The following DNAH3 variants were observed in gnomAD, a reference collection of about 807,000 sequenced individuals.
The protein encoded by DNAH3 is axonemal beta dynein heavy chain 3.
Under a neutral mutation model 432.5 loss-of-function variants are expected in DNAH3, and 332 were observed. That is an observed-to-expected ratio of 0.77 (90% CI 0.70 to 0.84). The LOEUF (loss-of-function observed/expected upper bound fraction) is 0.84, where lower values mean the gene tolerates loss of function less well. Ranked by LOEUF, DNAH3 falls within the 40% of genes least tolerant of loss-of-function variation. DNAH3 has a pLI of 0.00. For synonymous variants in DNAH3, 1,956 were observed against 1,900.2 expected (o/e 1.03, Z -0.76); for missense variants, 4,861 against 5,114.0 (o/e 0.95, Z 1.51).
chr16:21,003,674 C>G (rs1366491353), intron 41 of DNAH3, among the ~76,000 whole-genome samples: 2 of 152,054 alleles, frequency 1.3e-5, no homozygotes, highest in Non-Finnish European at 2.9e-5. Context: ...ACTTGGGAGG[C>G]TGAGGCAGGA....
At chr16:20,998,409 C>T (rs1297454965) in intron 43 of DNAH3, among the ~76,000 whole-genome samples, 3 of 151,958 alleles carry the variant, frequency 2.0e-5, no homozygotes, top group Non-Finnish European at 2.9e-5. Flanking sequence ...TGCACCACCA[C>T]GCCCAGCTAA....
chr16:20,945,381 T>C (rs2083998098), intron 57 of DNAH3, among the ~76,000 whole-genome samples: 1 of 152,182 alleles, frequency 6.6e-6, no homozygotes, highest in South Asian at 2.1e-4. Context: ...GGAAAACTCA[T>C]GAATAATCCA....
intron 39 of DNAH3, among the ~76,000 whole-genome samples, chr16:21,023,786 G>GTGTGTGTGTGTGTGT (rs1567654144): frequency 9.0e-4 from 132 of 146,476 alleles, no homozygotes; most frequent in African/African-American, 3.3e-3. Context: ...CAGCTTTTGG[G>GTGTGTGTGTGTGTGT]GTGTGTGTGT....
chr16:21,119,881 G>C (rs968465647), intron 11 of DNAH3, among the ~76,000 whole-genome samples: 2 of 150,288 alleles, frequency 1.3e-5, no homozygotes, highest in Non-Finnish European at 3.0e-5. Flanking sequence ...GTAGAGACGG[G>C]GTTTCACCAT....
At chr16:21,142,600 T>G (rs1373732741) in intron 3 of DNAH3, among the ~76,000 whole-genome samples, 2 of 152,060 alleles carry the variant, frequency 1.3e-5, no homozygotes, top group African/African-American at 4.8e-5. Flanking sequence ...CTTCCTAAAG[T>G]GTCTATCTTT....
chr16:21,038,891 G>A (rs1320001027), intron 33 of DNAH3, among the ~76,000 whole-genome samples: 1 of 152,178 alleles, frequency 6.6e-6, no homozygotes, highest in African/African-American at 2.4e-5. Flanking sequence ...GAGAATTTCT[G>A]TAGCCCCTTG....
At chr16:20,993,163 GC>G in intron 44 of DNAH3, among the ~76,000 whole-genome samples, 2 of 152,220 alleles carry the variant, frequency 1.3e-5, no homozygotes, top group Non-Finnish European at 2.9e-5. Context: ...ACTGCCCCCA[GC>G]CCTAACTTCC....
Position 21,020,341 on chromosome 16 carries a change from A to AGTGTGT in DNAH3, c.5777-478_5777-473dup, listed in dbSNP as rs1196037950. Reference sequence around the variant, plus strand: ...TATTTTTACTGCTGTATAATAATATAGTGTGTGTATATATATATATATATA... The same window carrying AGTGTGT: ...TATTTTTACTGCTGTATAATAATATAGTGTGTGTGTGTGTATATATATATATATATA... On this transcript the variant is annotated intron_variant, in intron 40 of 61. Transcript: ENST00000261383. Among the ~76,000 whole-genome samples the AGTGTGT allele has an allele frequency of 4.1e-3, 247 of 60,152 alleles. 12 individuals are homozygous for AGTGTGT. Among genetic ancestry groups the AGTGTGT allele is most frequent in the East Asian group, 0.023 (63 of 2,686 alleles). The allele number at this position is 60,152 out of a possible 152,430, so 39.5% of individuals were successfully genotyped here. A position where few individuals can be genotyped will look rare whatever the true frequency, so the allele number is the denominator to read the frequency against.
chr16:21,068,802 G>A (rs916888754), intron 23 of DNAH3, among the ~76,000 whole-genome samples: 88 of 152,210 alleles, frequency 5.8e-4, no homozygotes, highest in African/African-American at 2.1e-3. Flanking sequence ...GCATTATCCT[G>A]TAACAAATAC....
Position 21,120,755 on chromosome 16 carries a change from C to T in DNAH3, c.1684G>A (p.Ala562Thr), listed in dbSNP as rs2092319472. The T allele has an allele frequency of 1.9e-6, 3 of 1,613,694 alleles. No homozygotes were observed. In the South Asian group the frequency reaches 3.3e-5, roughly 18 times the overall value. The change falls in exon 11 of 62, where the codon GCC (alanine) becomes ACC (threonine). Residue 562 changes from alanine to threonine, a missense_variant. Ala to Thr is a moderately conservative substitution (Grantham distance 58). Coordinates refer to ENST00000261383, the Ensembl canonical transcript of DNAH3. The stretch of plus-strand genomic sequence containing the variant: ...GCCCTGGTACCTGCCATTGCAGTGG[C>T]AGCCGCGTGCATGCTGGGCTCTCCT...
rs111614206 is a variant in DNAH3, at chr16:21,133,679, G to A, written c.1082+580C>T. Reference sequence around the variant, plus strand: ...CGCTTGAACCCGGGAGGCGGAGGCTGCAGTGAGCCAAGATCGCGCCATTGC... The same window carrying A: ...CGCTTGAACCCGGGAGGCGGAGGCTACAGTGAGCCAAGATCGCGCCATTGC... On this transcript the variant is annotated intron_variant, in intron 7 of 61. Transcript: ENST00000261383. Among the ~76,000 whole-genome samples the A allele has an allele frequency of 4.8e-3, 727 of 152,232 alleles. 6 individuals carry two copies. Among genetic ancestry groups the A allele is most frequent in the African/African-American group, 0.016 (669 of 41,526 alleles).
chr16:20,977,082 T>C (rs1232008565), intron 50 of DNAH3, among the ~76,000 whole-genome samples: 2 of 151,890 alleles, frequency 1.3e-5, no homozygotes. Context: ...TTTAGACAAT[T>C]AAACCCATTA....
intron 14 of DNAH3, 119 bp downstream of exon 14, chr16:21,111,507 G>GA: frequency 9.5e-7 from 1 of 1,053,092 alleles, no homozygotes; most frequent in African/African-American, 1.6e-5. Context: ...CTTAGGGGCA[G>GA]AAAAAACTTG....
intron 54 of DNAH3, among the ~76,000 whole-genome samples, chr16:20,955,788 A>T (rs1292105492): frequency 6.6e-6 from 1 of 152,206 alleles, no homozygotes; most frequent in Admixed American, 6.5e-5. Context: ...AAGTGTATCT[A>T]TGCCCACAAA....
chr16:21,104,268 G>A, intron 16 of DNAH3: 1 of 546,560 alleles, frequency 1.8e-6, no homozygotes, highest in Non-Finnish European at 3.3e-6. Flanking sequence ...CATTAGCAGA[G>A]GTTATTACAG....
At chr16:20,937,207 G>T (rs909538647) in intron 59 of DNAH3, among the ~76,000 whole-genome samples, 1 of 151,968 alleles carries the variant, frequency 6.6e-6, no homozygotes, top group African/African-American at 2.4e-5. Context: ...TCAGGCTGGA[G>T]TAAGTAGTGA....
intron 56 of DNAH3, among the ~76,000 whole-genome samples, chr16:20,951,739 T>G (rs1447755670): frequency 1.1e-5 from 1 of 92,188 alleles, no homozygotes; most frequent in Non-Finnish European, 1.9e-5. Flanking sequence ...CTGGCCCGTA[T>G]TTTTTTTTTT....
At position 21,152,582 on chromosome 16, in the gene DNAH3, C is replaced by T. The variant is rs563740365; in HGVS notation, c.118-6494G>A. On this transcript the variant is annotated intron_variant, in intron 1 of 61. Transcript: ENST00000261383. ...GGCCGAAGCCGGCTCCCTCAGCTTG[C>T]AGGCAGGTGTGGAGGGAGAGGCGCG... is the stretch of plus-strand genomic sequence containing the variant. Among the ~76,000 whole-genome samples, 21 of 152,372 alleles carry T rather than the reference C, an allele frequency of 1.4e-4. No individual in the cohort carries two copies. The East Asian group carries it at 3.9e-3, about 28-fold the overall frequency.
chr16:21,127,640 T>A (rs747614164), intron 8 of DNAH3, 47 bp downstream of exon 9: 1 of 1,605,210 alleles, frequency 6.2e-7, no homozygotes, highest in African/African-American at 1.3e-5. Context: ...GGGTTTTCAG[T>A]CTTTAAGATA....
Sources: gnomAD v4.1 joint callset for allele counts (sites outside exome capture counted in the v4.1 genomes callset) on GRCh38, gnomAD v4.1.1 for gene constraint, MANE v1.5 for transcripts, NCBI Gene and HGNC (gene_info 2026-07-23, HGNC 2026-07-21) for gene names.